Variants in PLCG2 observed in about 807,000 individuals in gnomAD.
PLCG2 encodes the protein phospholipase C gamma 2, also known as 1-phosphatidylinositol 4,5-bisphosphate phosphodiesterase gamma-2.
PLCG2 carries 69 observed loss-of-function variants against 175.6 expected under a neutral mutation model. The observed-to-expected ratio is 0.39, with a 90% CI of 0.32 to 0.48. The LOEUF (loss-of-function observed/expected upper bound fraction) is 0.48, where lower values mean the gene tolerates loss of function less well. PLCG2 is among the 20% of genes least tolerant of loss of function. The pLI is 0.91. For missense variants in PLCG2, 1,798 were observed against 1,650.9 expected (o/e 1.09, Z -1.54); for synonymous variants, 827 against 624.0 (o/e 1.33, Z -4.85).
At position 81,895,980 on chromosome 16, in the gene PLCG2, T is replaced by C. The variant is rs1908868385; in HGVS notation, c.1193+53T>C. 2.5e-6 allele frequency: 4 copies of C among 1,607,782 alleles called. No homozygotes were observed. The South Asian group carries it at 4.4e-5, about 18-fold the overall frequency. On this transcript the variant is annotated intron_variant, in intron 13 of 32. Coordinates refer to ENST00000564138, the MANE Select transcript of PLCG2 (RefSeq NM_002661.5). ...GACTTAAAGGGGAAGGCAGCTAGGG[T>C]TGGATAGACAGATGGACAGACAGGC...
intron 2 of PLCG2, among the ~76,000 whole-genome samples, chr16:81,827,119 C>G (rs1053389720): frequency 6.6e-6 from 1 of 151,996 alleles, no homozygotes; most frequent in East Asian, 1.9e-4. Flanking sequence ...AAATAAGACT[C>G]AGGGGATGCC....
intron 27 of PLCG2, among the ~76,000 whole-genome samples, chr16:81,936,735 G>C (rs763075651): frequency 2.0e-5 from 3 of 152,220 alleles, no homozygotes; most frequent in Non-Finnish European, 4.4e-5. Flanking sequence ...CTTTCTTCCA[G>C]AGACATTTAC....
chr16:81,804,731 C>T (rs764673815), intron 2 of PLCG2, among the ~76,000 whole-genome samples: 27 of 152,192 alleles, frequency 1.8e-4, no homozygotes, highest in Non-Finnish European at 3.8e-4. Context: ...CCTGGAAATG[C>T]TTCTTCCTAA....
chr16:81,944,071 T>G (rs1368916957), intron 30 of PLCG2, among the ~76,000 whole-genome samples: 2 of 152,158 alleles, frequency 1.3e-5, no homozygotes, highest in Non-Finnish European at 2.9e-5. Flanking sequence ...AAATATAAAT[T>G]TGTACATTTC....
At chr16:81,899,264 A>ATGTGTGTGTG (rs200982591) in intron 13 of PLCG2, among the ~76,000 whole-genome samples, 2 of 132,122 alleles carry the variant, frequency 1.5e-5, no homozygotes, top group African/African-American at 6.2e-5. Context: ...CAGGAGGAGT[A>ATGTGTGTGTG]TGTGTGTATA....
chr16:81,854,385 T>G, intron 2 of PLCG2, 59 bp from the exon 3 acceptor site: 8 of 1,521,350 alleles, frequency 5.3e-6, no homozygotes, highest in Non-Finnish European at 7.3e-6. Context: ...GTTGTGTGGC[T>G]GCATCCTCAG....
chr16:81,910,014 GT>G (rs1024819905), intron 17 of PLCG2, among the ~76,000 whole-genome samples: 6 of 144,828 alleles, frequency 4.1e-5, no homozygotes, highest in South Asian at 2.4e-4. Flanking sequence ...ATGGGGTGGG[GT>G]GGGGTGGGGG....
chr16:81,912,945 G>T (rs1909694721), intron 19 of PLCG2, among the ~76,000 whole-genome samples: 2 of 152,232 alleles, frequency 1.3e-5, no homozygotes, highest in African/African-American at 4.8e-5. Flanking sequence ...ACTCACTTTG[G>T]CTTCCAGTAA....
intron 1 of PLCG2, among the ~76,000 whole-genome samples, chr16:81,782,213 G>T (rs951874043): frequency 2.9e-5 from 4 of 139,502 alleles, no homozygotes; most frequent in Admixed American, 2.3e-4. Flanking sequence ...TGAGATACAA[G>T]AACATGAATG....
intron 18 of PLCG2, among the ~76,000 whole-genome samples, chr16:81,911,834 G>T (rs1909639896): frequency 2.0e-5 from 2 of 101,526 alleles, no homozygotes; most frequent in African/African-American, 3.9e-5. Context: ...GTCACATTCT[G>T]TTGCCTAGGC....
rs563168223 is a variant in PLCG2, at chr16:81,869,649, T to C, written c.564+351T>C. ...CATGTATGTCTTTTGGAAAATATTA[T>C]GAAAGATTCCTTGTGTAGGGTACCA... is the stretch of plus-strand genomic sequence containing the variant. On this transcript the variant is annotated intron_variant, in intron 6 of 32. Coordinates refer to ENST00000564138, the MANE Select transcript of PLCG2 (RefSeq NM_002661.5). Among the ~76,000 whole-genome samples, 3 of 152,362 alleles carry C rather than the reference T, an allele frequency of 2.0e-5. No individual in the cohort carries two copies. The South Asian group carries it at 6.2e-4, about 32-fold the overall frequency.
intron 9 of PLCG2, among the ~76,000 whole-genome samples, chr16:81,886,180 T>A (rs535028052): frequency 1.3e-5 from 2 of 152,194 alleles, no homozygotes; most frequent in Non-Finnish European, 2.9e-5. Flanking sequence ...CGTGTAGATT[T>A]ACCCCACCTA....
At chr16:81,860,165 TA>T (rs1567502956) in intron 5 of PLCG2, among the ~76,000 whole-genome samples, 40 of 100,152 alleles carry the variant, frequency 4.0e-4, no homozygotes, top group Admixed American at 8.8e-4. Flanking sequence ...TTATTATTAT[TA>T]TTATTATTTT....
At chr16:81,758,540 G>C (rs1279070278) in intron 2 of PLCG2, among the ~76,000 whole-genome samples, 2 of 152,286 alleles carry the variant, frequency 1.3e-5, no homozygotes, top group East Asian at 1.9e-4. Context: ...GAGTCATACA[G>C]TAGCTCTGCG....
At chr16:81,795,062 T>A (rs1465518823) in intron 2 of PLCG2, among the ~76,000 whole-genome samples, 1 of 152,232 alleles carries the variant, frequency 6.6e-6, no homozygotes, top group Admixed American at 6.5e-5. Flanking sequence ...CTTTGTTGAT[T>A]TAGCAAATAC....
At chr16:81,787,793 C>G (rs974039752) in intron 2 of PLCG2, among the ~76,000 whole-genome samples, 1 of 152,138 alleles carries the variant, frequency 6.6e-6, no homozygotes, top group Non-Finnish European at 1.5e-5. Context: ...ATAAACCTCT[C>G]TATTCTGGAC....
At chr16:81,793,285 T>G (rs972866131) in intron 2 of PLCG2, among the ~76,000 whole-genome samples, 3 of 152,204 alleles carry the variant, frequency 2.0e-5, no homozygotes. Context: ...CTGTTGGGCA[T>G]GTTGGTTTTC....
intron 26 of PLCG2, chr16:81,935,940 G>A: frequency 1.0e-6 from 1 of 985,038 alleles, no homozygotes; most frequent in Non-Finnish European, 1.2e-6. Context: ...AGTAATTCTA[G>A]CCTAAAAGGT....
chr16:81,851,927 C>T (rs1393725833), intron 2 of PLCG2: 1 of 152,500 alleles, frequency 6.6e-6, no homozygotes, highest in Non-Finnish European at 1.5e-5. Flanking sequence ...TAATTGTCTG[C>T]TCTCCTCCTC....
Sources: gnomAD v4.1 joint callset for allele counts (sites outside exome capture counted in the v4.1 genomes callset) on GRCh38, gnomAD v4.1.1 for gene constraint, MANE v1.5 for transcripts, NCBI Gene and HGNC (gene_info 2026-07-23, HGNC 2026-07-21) for gene names.